Variants in FGGY observed in about 807,000 individuals in gnomAD.
The protein encoded by FGGY is FGGY carbohydrate kinase domain-containing protein.
In FGGY, 72 loss-of-function variants were observed where a neutral mutation model predicts 71.3. That is an observed-to-expected ratio of 1.01 (90% CI 0.84 to 1.23). FGGY has a LOEUF of 1.23. Among genes scored for constraint, FGGY ranks in the 50% most tolerant of loss-of-function variants. The pLI is 0.00. For missense variants in FGGY, 668 were observed against 682.3 expected, an observed-to-expected ratio of 0.98 and a Z score of 0.23; for synonymous variants, 251 against 250.3, an observed-to-expected ratio of 1.00 and a Z score of -0.02.
intron 9 of FGGY, among the ~76,000 whole-genome samples, chr1:59,625,684 C>T (rs911963542): frequency 2.0e-5 from 3 of 150,740 alleles, no homozygotes; most frequent in East Asian, 3.9e-4. Context: ...ATAAGTTACC[C>T]TTCCTTCTCA....
chr1:59,651,810 G>T lies in FGGY; in HGVS notation c.1222-8409G>T, dbSNP rs367697383. On this transcript the variant is annotated intron_variant, in intron 11 of 15. Transcript: ENST00000303721. ...TCCTGTCATTATGATGTTAGCTGGT[G>T]ATTTTGCTCGTTAGTTGATGCAGTT... 3.3e-3 allele frequency among the ~76,000 whole-genome samples: 496 copies of T among 150,850 alleles called. 3 individuals are homozygous for T. Among genetic ancestry groups the T allele is most frequent in the African/African-American group, 0.012 (474 of 41,056 alleles).
At chr1:59,425,936 G>T (rs1399921993) in intron 5 of FGGY, among the ~76,000 whole-genome samples, 1 of 152,126 alleles carries the variant, frequency 6.6e-6, no homozygotes, top group Non-Finnish European at 1.5e-5. Flanking sequence ...GATTTTAAGA[G>T]TGTTCACAAT....
chr1:59,563,458 A>G (rs1282049858), intron 8 of FGGY, among the ~76,000 whole-genome samples: 1 of 152,184 alleles, frequency 6.6e-6, no homozygotes, highest in African/African-American at 2.4e-5. Flanking sequence ...AAAGAGAATA[A>G]AATACCTAGG....
chr1:59,313,834 A>T (rs1394289661), intron 1 of FGGY, among the ~76,000 whole-genome samples: 1 of 152,156 alleles, frequency 6.6e-6, no homozygotes, highest in Non-Finnish European at 1.5e-5. Context: ...TGAGGGATAT[A>T]AGACTGCAAA....
chr1:59,736,880 G>C (rs1456267772), intron 14 of FGGY, among the ~76,000 whole-genome samples: 1 of 152,258 alleles, frequency 6.6e-6, no homozygotes, highest in Admixed American at 6.5e-5. Flanking sequence ...TCCAGGCCAT[G>C]TCAGAGGTCT....
At chr1:59,708,022 G>C (rs1174754103) in intron 14 of FGGY, among the ~76,000 whole-genome samples, 1 of 152,194 alleles carries the variant, frequency 6.6e-6, no homozygotes, top group African/African-American at 2.4e-5. Context: ...TTTGGTTCCA[G>C]AGTAGGAGGT....
intron 3 of FGGY, among the ~76,000 whole-genome samples, chr1:59,344,493 G>C (rs1216403493): frequency 6.6e-6 from 1 of 152,014 alleles, no homozygotes; most frequent in African/African-American, 2.4e-5. Flanking sequence ...TAACCATTCT[G>C]CTGTAGTTGC....
chr1:59,552,190 G>A (rs1208609638), intron 7 of FGGY, among the ~76,000 whole-genome samples: 2 of 152,194 alleles, frequency 1.3e-5, no homozygotes, highest in Non-Finnish European at 2.9e-5. Flanking sequence ...CCCGAGTGGT[G>A]GAGGGGAAGC....
intron 11 of FGGY, among the ~76,000 whole-genome samples, chr1:59,653,806 A>G (rs552440258): frequency 6.6e-6 from 1 of 152,250 alleles, no homozygotes; most frequent in South Asian, 2.1e-4. Context: ...GCCAGCAATG[A>G]TGGGTCAAAT....
rs191069326 is a variant in FGGY, at chr1:59,587,397, C to A, written c.904-20406C>A. On this transcript the variant is annotated intron_variant, in intron 8 of 15. Coordinates refer to ENST00000303721, the MANE Select transcript of FGGY (RefSeq NM_018291.5). Reference sequence around the variant, plus strand: ...AGACAAACAAAAAGACAGCAGTAACCCCTGCCGACTTAAATGTCCCTGTCT... The same window carrying A: ...AGACAAACAAAAAGACAGCAGTAACACCTGCCGACTTAAATGTCCCTGTCT... Among the ~76,000 whole-genome samples the A allele has an allele frequency of 3.4e-3, 514 of 152,216 alleles. 1 individual carries two copies. Among genetic ancestry groups the A allele is most frequent in the African/African-American group, 0.011 (451 of 41,536 alleles).
At chr1:59,516,173 C>A (rs1291558435) in intron 7 of FGGY, among the ~76,000 whole-genome samples, 1 of 152,152 alleles carries the variant, frequency 6.6e-6, no homozygotes, top group African/African-American at 2.4e-5. Context: ...AATTAGGAGG[C>A]CTGGGTGCAA....
intron 7 of FGGY, among the ~76,000 whole-genome samples, chr1:59,537,706 A>G (rs1290693244): frequency 6.6e-6 from 1 of 151,932 alleles, no homozygotes; most frequent in African/African-American, 2.4e-5. Context: ...ATCTACAACT[A>G]TCTGATCTTT....
chr1:59,634,129 G>A (rs956530589), intron 10 of FGGY, among the ~76,000 whole-genome samples: 4 of 152,152 alleles, frequency 2.6e-5, no homozygotes, highest in African/African-American at 4.8e-5. Context: ...GAACTAGGCC[G>A]GTTGCAGTGG....
At chr1:59,548,800 T>C (rs2095564578) in intron 7 of FGGY, among the ~76,000 whole-genome samples, 1 of 152,200 alleles carries the variant, frequency 6.6e-6, no homozygotes. Flanking sequence ...ATATAGAACA[T>C]TTCCATCATC....
chr1:59,426,255 T>C (rs2066346200), intron 5 of FGGY, among the ~76,000 whole-genome samples: 1 of 152,162 alleles, frequency 6.6e-6, no homozygotes, highest in Non-Finnish European at 1.5e-5. Flanking sequence ...GAAATGGCTC[T>C]TCTGGGATTG....
chr1:59,516,939 C>A (rs1379985250), intron 7 of FGGY, among the ~76,000 whole-genome samples: 2 of 152,162 alleles, frequency 1.3e-5, no homozygotes, highest in Non-Finnish European at 2.9e-5. Context: ...GCAAGCAAAA[C>A]TCAACCCATG....
chr1:59,633,967 A>C (rs905801316), intron 10 of FGGY, among the ~76,000 whole-genome samples: 3 of 152,222 alleles, frequency 2.0e-5, no homozygotes, highest in African/African-American at 7.2e-5. Flanking sequence ...CAGAAACAAG[A>C]GAACAAATGA....
intron 6 of FGGY, among the ~76,000 whole-genome samples, chr1:59,507,071 T>C (rs1482926150): frequency 6.6e-6 from 1 of 152,140 alleles, no homozygotes; most frequent in Admixed American, 6.5e-5. Context: ...CCAACCAGAA[T>C]AGGTTCAGAG....
chr1:59,327,471 C>A (rs1479360275), intron 2 of FGGY, among the ~76,000 whole-genome samples: 1 of 152,234 alleles, frequency 6.6e-6, no homozygotes, highest in East Asian at 1.9e-4. Context: ...AATTCTAGTT[C>A]GTTTGGTATT....
Sources: allele counts gnomAD v4.1 joint callset (sites outside exome capture counted in the v4.1 genomes callset), GRCh38; gene constraint gnomAD v4.1.1; transcripts MANE v1.5; gene names NCBI Gene and HGNC (gene_info 2026-07-23, HGNC 2026-07-21).